The following ACTR3C variants were observed in gnomAD, a reference collection of about 807,000 sequenced individuals.
The protein encoded by ACTR3C is actin-related protein 3C.
In ACTR3C, 18 loss-of-function variants were observed where a neutral mutation model predicts 26.3. That is an observed-to-expected ratio of 0.68 (90% CI 0.47 to 1.01). The LOEUF is 1.01. Ranked by LOEUF, ACTR3C falls within the 50% of genes least tolerant of loss-of-function variation. The probability of loss-of-function intolerance (pLI) is 0.00; values close to 1 mark genes in which losing one functional copy is unlikely to be tolerated. For synonymous variants in ACTR3C, 55 were observed against 94.5 expected (o/e 0.58, Z 2.42); for missense variants, 184 against 250.7 (o/e 0.73, Z 1.80).
At chr7:150,258,929 A>T (rs1297582992) in intron 6 of ACTR3C, among the ~76,000 whole-genome samples, 1 of 151,936 alleles carries the variant, frequency 6.6e-6, no homozygotes, top group African/African-American at 2.4e-5. Context: ...GGAGCAGACA[A>T]ATATGGCCTC....
the ACTR3C span, among the ~76,000 whole-genome samples, chr7:149,992,197 G>A: frequency 0.013 from 1,995 of 152,366 alleles, 41 homozygotes; most frequent in African/African-American, 0.044. Flanking sequence ...GTCCAGAGCC[G>A]AAGGGTCCCT....
chr7:150,172,807 T>C, the ACTR3C span, among the ~76,000 whole-genome samples: 1 of 150,422 alleles, frequency 6.6e-6, no homozygotes, highest in Non-Finnish European at 1.5e-5. Context: ...ATGGGAGAAA[T>C]TGGCCAAAAG....
chr7:150,101,866 A>G, the ACTR3C span, among the ~76,000 whole-genome samples: 5 of 151,750 alleles, frequency 3.3e-5, no homozygotes, highest in Admixed American at 3.3e-4. Context: ...AAATTGGGGT[A>G]CATTCTTCAT....
chr7:149,913,187 C>T, the ACTR3C span, among the ~76,000 whole-genome samples: 1 of 152,056 alleles, frequency 6.6e-6, no homozygotes. Flanking sequence ...CTAGACTGGC[C>T]TGCCCCATTA....
At chr7:149,930,116 A>C in the ACTR3C span, among the ~76,000 whole-genome samples, 4 of 152,188 alleles carry the variant, frequency 2.6e-5, no homozygotes, top group African/African-American at 7.2e-5. Context: ...TTCCAGATTA[A>C]ATTAGACTTA....
chr7:150,124,908 G>A, the ACTR3C span, among the ~76,000 whole-genome samples: 10 of 152,012 alleles, frequency 6.6e-5, no homozygotes, highest in South Asian at 2.1e-4. Context: ...AAATATTATC[G>A]TCCCCATCTT....
At chr7:150,254,131 T>A (rs895545339) in intron 6 of ACTR3C, among the ~76,000 whole-genome samples, 1 of 152,220 alleles carries the variant, frequency 6.6e-6, no homozygotes, top group South Asian at 2.1e-4. Flanking sequence ...AACTTGAGTA[T>A]ACATGTTGGG....
At chr7:149,881,876 TCTA>T in the ACTR3C span, 1 of 152,974 alleles carries the variant, frequency 6.5e-6, no homozygotes, top group Admixed American at 6.5e-5. Flanking sequence ...CCCATTGTCC[TCTA>T]CCCCCAAGAA....
intron 1 of ACTR3C, among the ~76,000 whole-genome samples, chr7:150,308,771 C>T (rs1584986541): frequency 1.3e-5 from 2 of 152,288 alleles, no homozygotes; most frequent in East Asian, 1.9e-4. Flanking sequence ...CAGTTTCATT[C>T]CATGACTAGC....
chr7:149,972,711 A>C, the ACTR3C span, among the ~76,000 whole-genome samples: 1 of 152,258 alleles, frequency 6.6e-6, no homozygotes, highest in Non-Finnish European at 1.5e-5. Flanking sequence ...AGCACCCTGC[A>C]TATTTCTTCA....
the ACTR3C span, among the ~76,000 whole-genome samples, chr7:150,204,469 G>A: frequency 1.3e-4 from 20 of 150,570 alleles, no homozygotes; most frequent in East Asian, 2.4e-3. Context: ...GAGAGAAAAG[G>A]CTAAAAGCCA....
At chr7:150,223,474 GT>G in the ACTR3C span, among the ~76,000 whole-genome samples, 1 of 142,042 alleles carries the variant, frequency 7.0e-6, no homozygotes, top group Admixed American at 6.8e-5. Context: ...TAGATGCAGG[GT>G]TTTTTTGTTT....
At chr7:150,036,621 G>A in the ACTR3C span, among the ~76,000 whole-genome samples, 889 of 130,950 alleles carry the variant, frequency 6.8e-3, 12 homozygotes, top group African/African-American at 0.018. Context: ...CACAGTCTAC[G>A]AAACCCCACA....
the ACTR3C span, chr7:150,001,849 G>A: frequency 6.6e-6 from 1 of 151,694 alleles, no homozygotes; most frequent in Non-Finnish European, 1.5e-5. Flanking sequence ...GGAAGTCCCA[G>A]GAAGATGTAG....
intron 1 of ACTR3C, among the ~76,000 whole-genome samples, chr7:150,300,972 T>C (rs542177035): frequency 6.6e-6 from 1 of 152,268 alleles, no homozygotes; most frequent in South Asian, 2.1e-4. Context: ...AATCTCTCTC[T>C]TAAGCTACCT....
downstream of ACTR3C, chr7:150,244,919 A>T (rs2129608699): frequency 6.6e-6 from 1 of 152,398 alleles, no homozygotes; most frequent in East Asian, 1.9e-4. Flanking sequence ...GAAAACATCC[A>T]GCACAGTCTC....
chr7:149,933,815 G>T, the ACTR3C span, among the ~76,000 whole-genome samples: 3 of 151,406 alleles, frequency 2.0e-5, no homozygotes, highest in Admixed American at 2.0e-4. Context: ...CATAAATTCT[G>T]GGTGTCAAGT....
chr7:150,101,316 T>G, the ACTR3C span, among the ~76,000 whole-genome samples: 4 of 151,656 alleles, frequency 2.6e-5, no homozygotes, highest in Non-Finnish European at 5.9e-5. Flanking sequence ...TAGTCAACAA[T>G]TCTAGATATC....
At chr7:150,083,710 C>T in the ACTR3C span, among the ~76,000 whole-genome samples, 1 of 152,234 alleles carries the variant, frequency 6.6e-6, no homozygotes, top group Non-Finnish European at 1.5e-5. Flanking sequence ...TTCACATCCT[C>T]CAGGTATTTG....
Sources: gnomAD v4.1 joint callset for allele counts (sites outside exome capture counted in the v4.1 genomes callset) on GRCh38, gnomAD v4.1.1 for gene constraint, MANE v1.5 for transcripts, NCBI Gene and HGNC (gene_info 2026-07-23, HGNC 2026-07-21) for gene names.